Variants in DYM observed in about 807,000 individuals in gnomAD.
The protein encoded by DYM is dymeclin.
In DYM, 78 loss-of-function variants were observed where a neutral mutation model predicts 93.1. That is an observed-to-expected ratio of 0.84 (90% CI 0.70 to 1.01). The LOEUF is 1.01. Among genes scored for constraint, DYM ranks in the 50% least tolerant of loss-of-function variants. The pLI, the probability that DYM is intolerant of heterozygous loss-of-function variation, is 0.00. For synonymous variants in DYM, 321 were observed against 319.7 expected (o/e 1.00, Z -0.04); for missense variants, 789 against 845.0 (o/e 0.93, Z 0.82).
chr18:49,279,362 T>C (rs889102374), intron 10 of DYM, among the ~76,000 whole-genome samples: 8 of 152,178 alleles, frequency 5.3e-5, no homozygotes, highest in Non-Finnish European at 1.2e-4. Flanking sequence ...GACTGCAGAA[T>C]AAAAGAATTG....
intron 17 of DYM, 131 bp downstream of exon 17, chr18:49,097,271 A>G: frequency 2.5e-6 from 2 of 795,410 alleles, no homozygotes; most frequent in South Asian, 1.5e-5. Flanking sequence ...AACCTTTGTC[A>G]CAGTTCTGAG....
intron 8 of DYM, among the ~76,000 whole-genome samples, chr18:49,290,631 C>T (rs1293760859): frequency 6.6e-6 from 1 of 151,836 alleles, no homozygotes; most frequent in East Asian, 1.9e-4. Flanking sequence ...GTGAAAAAGG[C>T]CATTCACAAA....
intron 14 of DYM, among the ~76,000 whole-genome samples, chr18:49,181,773 T>C (rs2089949674): frequency 6.6e-6 from 1 of 152,190 alleles, no homozygotes; most frequent in Non-Finnish European, 1.5e-5. Context: ...AATGAGCTTT[T>C]GGTTTTAATT....
chr18:49,411,815 T>C (rs759575587), intron 2 of DYM: 20 of 152,148 alleles, frequency 1.3e-4, no homozygotes, highest in Non-Finnish European at 2.9e-4. Context: ...GATAAATATA[T>C]AATGTTAGTC....
intron 15 of DYM, among the ~76,000 whole-genome samples, chr18:49,152,077 CTTAGAAAGT>C (rs1319068181): frequency 6.6e-6 from 1 of 152,164 alleles, no homozygotes; most frequent in Non-Finnish European, 1.5e-5. Flanking sequence ...TTAAACTTCA[CTTAGAAAGT>C]TAATTAATCA....
At chr18:49,106,774 A>C (rs532003653) in intron 16 of DYM, among the ~76,000 whole-genome samples, 34 of 152,336 alleles carry the variant, frequency 2.2e-4, no homozygotes, top group East Asian at 3.9e-4. Context: ...CCGAGAGATC[A>C]GCTGTTAGTC....
rs115929250 is a variant in DYM, at chr18:49,302,983, G to C, written c.764-16367C>G. On this transcript the variant is annotated intron_variant, in intron 8 of 17. Transcript: ENST00000675505. ...GCCTAAATTCAATCTATTTGTTCTAGAGAATAGCATTTTGTGGTTTTCAGT... is the reference window on the plus strand; with the variant it reads ...GCCTAAATTCAATCTATTTGTTCTACAGAATAGCATTTTGTGGTTTTCAGT... 4.5e-3 allele frequency among the ~76,000 whole-genome samples: 693 copies of C among 152,322 alleles called. 2 individuals carry two copies. The highest frequency in any genetic ancestry group is 0.015 in the African/African-American group (629 of 41,578).
At chr18:49,116,671 C>T (rs1254780778) in intron 16 of DYM, among the ~76,000 whole-genome samples, 1 of 152,168 alleles carries the variant, frequency 6.6e-6, no homozygotes, top group African/African-American at 2.4e-5. Context: ...ATGAGATACC[C>T]CTCAGCCCCC....
rs114970299 is a variant in DYM at position 49,061,654 on chromosome 18, G to A, written c.2026-17450C>T. On this transcript the variant is annotated intron_variant, in intron 17 of 17. Coordinates refer to ENST00000675505, the MANE Select transcript of DYM (RefSeq NM_001353214.3). ...GGGACTAGTGCAGGGTCTAGGCGAT[G>A]GGGGCTGAGGGCCAGGACCCAAAGA... is the stretch of plus-strand genomic sequence containing the variant. 4.7e-3 allele frequency among the ~76,000 whole-genome samples: 714 copies of A among 152,334 alleles called. 4 individuals carry two copies. Among genetic ancestry groups the A allele is most frequent in the African/African-American group, 0.017 (690 of 41,572 alleles).
chr18:49,419,267 G>T (rs541836450), intron 2 of DYM, among the ~76,000 whole-genome samples: 2 of 152,104 alleles, frequency 1.3e-5, no homozygotes, highest in Non-Finnish European at 2.9e-5. Flanking sequence ...GCCTGAGGCA[G>T]GGAATTGCTT....
intron 8 of DYM, among the ~76,000 whole-genome samples, chr18:49,307,095 C>T (rs371870465): frequency 1.3e-5 from 2 of 151,928 alleles, no homozygotes; most frequent in South Asian, 4.1e-4. Flanking sequence ...TTCTGATAAT[C>T]ACTTCTGCAA....
At chr18:49,207,905 G>A (rs975866011) in intron 14 of DYM, among the ~76,000 whole-genome samples, 3 of 152,208 alleles carry the variant, frequency 2.0e-5, no homozygotes, top group African/African-American at 4.8e-5. Context: ...AAGGTCGACC[G>A]GGTGTAGTGG....
At chr18:49,303,009 G>A (rs2061039748) in intron 8 of DYM, among the ~76,000 whole-genome samples, 1 of 152,194 alleles carries the variant, frequency 6.6e-6, no homozygotes. Context: ...GGTTTTCAGT[G>A]AGTCTAGCTC....
chr18:49,440,302 A>G (rs1442986823), intron 1 of DYM, among the ~76,000 whole-genome samples: 1 of 137,714 alleles, frequency 7.3e-6, no homozygotes, highest in Admixed American at 7.9e-5. Context: ...TCTATTCCAG[A>G]ATCGCTTTCC....
chr18:49,285,103 G>A (rs1251152337), intron 9 of DYM, among the ~76,000 whole-genome samples: 3 of 152,154 alleles, frequency 2.0e-5, no homozygotes, highest in Non-Finnish European at 4.4e-5. Flanking sequence ...AAACCTGCCG[G>A]TGCCTGCATC....
chr18:49,176,583 T>TC (rs1236641110), intron 14 of DYM, among the ~76,000 whole-genome samples: 1 of 147,974 alleles, frequency 6.8e-6, no homozygotes, highest in Non-Finnish European at 1.5e-5. Context: ...GCTTTTTTTT[T>TC]TTTTTTTTTT....
intron 11 of DYM, among the ~76,000 whole-genome samples, chr18:49,269,168 A>G (rs1169062179): frequency 6.6e-6 from 1 of 152,200 alleles, no homozygotes; most frequent in Non-Finnish European, 1.5e-5. Flanking sequence ...TCCAAAAGAG[A>G]CATAAATATG....
At chr18:49,273,053 T>C (rs73443863) in intron 10 of DYM, among the ~76,000 whole-genome samples, 5,535 of 152,068 alleles carry the variant, frequency 0.036, 319 homozygotes, top group African/African-American at 0.12. Context: ...ACAACACATG[T>C]AATGAGCAAA....
intron 15 of DYM, among the ~76,000 whole-genome samples, chr18:49,124,120 T>C (rs2082615947): frequency 6.6e-6 from 1 of 152,214 alleles, no homozygotes. Flanking sequence ...AACAGGGTGA[T>C]ACACCCAACT....
Sources: gnomAD v4.1 joint callset for allele counts (sites outside exome capture counted in the v4.1 genomes callset) on GRCh38, gnomAD v4.1.1 for gene constraint, MANE v1.5 for transcripts, NCBI Gene and HGNC (gene_info 2026-07-23, HGNC 2026-07-21) for gene names.